The following SHISA9 variants were observed in gnomAD, a reference collection of about 807,000 sequenced individuals.
The protein encoded by SHISA9 is shisa family member 9.
A neutral mutation model predicts 38.0 loss-of-function variants in SHISA9; 13 were observed. The observed-to-expected ratio is 0.34, with a 90% CI of 0.22 to 0.54. The LOEUF (loss-of-function observed/expected upper bound fraction) is 0.54. Among genes scored for constraint, SHISA9 ranks in the 20% least tolerant of loss-of-function variants. The pLI is 0.91. For synonymous variants in SHISA9, 275 were observed against 242.0 expected (o/e 1.14, Z -1.27); for missense variants, 538 against 575.8 (o/e 0.93, Z 0.67).
At chr16:13,215,106 G>A (rs930849121) in intron 4 of SHISA9, among the ~76,000 whole-genome samples, 5 of 152,184 alleles carry the variant, frequency 3.3e-5, no homozygotes, top group African/African-American at 4.8e-5. Flanking sequence ...AAGAAAATGG[G>A]AGTGGAAGGA....
chr16:13,453,012 G>A, the SHISA9 span, among the ~76,000 whole-genome samples: 10 of 151,874 alleles, frequency 6.6e-5, no homozygotes, highest in East Asian at 5.8e-4. Context: ...TGTTTCAAGC[G>A]ATTCTCCTAC....
At chr16:13,280,283 C>T in the SHISA9 span, among the ~76,000 whole-genome samples, 1 of 151,624 alleles carries the variant, frequency 6.6e-6, no homozygotes, top group Admixed American at 6.6e-5. Flanking sequence ...GCTCTAACCT[C>T]TGAGCTTGAG....
At chr16:13,386,065 G>A in the SHISA9 span, among the ~76,000 whole-genome samples, 13 of 152,102 alleles carry the variant, frequency 8.5e-5, no homozygotes, top group Admixed American at 5.9e-4. Flanking sequence ...GTACTGTGAC[G>A]GTGCCCATGG....
the SHISA9 span, among the ~76,000 whole-genome samples, chr16:13,303,569 G>C: frequency 9.9e-5 from 15 of 152,116 alleles, no homozygotes; most frequent in Admixed American, 8.5e-4. Flanking sequence ...ACCAAAGAAT[G>C]GTTTTTGCCA....
the SHISA9 span, among the ~76,000 whole-genome samples, chr16:13,550,020 C>G: frequency 2.2e-5 from 2 of 90,876 alleles, no homozygotes; most frequent in African/African-American, 4.8e-5. Context: ...GAGACTGTGT[C>G]TCAAAAAAAA....
chr16:13,472,438 C>A, the SHISA9 span, among the ~76,000 whole-genome samples: 1 of 117,316 alleles, frequency 8.5e-6, no homozygotes, highest in South Asian at 3.0e-4. Context: ...GTCGCCCAGG[C>A]TGGAGTGCCG....
the SHISA9 span, among the ~76,000 whole-genome samples, chr16:13,529,699 C>T: frequency 7.9e-5 from 12 of 152,186 alleles, no homozygotes; most frequent in Non-Finnish European, 1.3e-4. Flanking sequence ...CAGTTTCCTT[C>T]TTTGTTAAAC....
At chr16:13,437,470 G>A in the SHISA9 span, among the ~76,000 whole-genome samples, 2 of 152,294 alleles carry the variant, frequency 1.3e-5, no homozygotes, top group South Asian at 4.1e-4. Flanking sequence ...ATGAAAAACT[G>A]GAAGTGGAGA....
intron 2 of SHISA9, among the ~76,000 whole-genome samples, chr16:13,158,419 A>T (rs1418533134): frequency 2.6e-5 from 4 of 152,218 alleles, no homozygotes; most frequent in African/African-American, 9.7e-5. Context: ...CTGAGAAGAA[A>T]CAAAGAGAGA....
chr16:13,280,647 G>A, the SHISA9 span, among the ~76,000 whole-genome samples: 2 of 151,826 alleles, frequency 1.3e-5, no homozygotes, highest in African/African-American at 4.8e-5. Flanking sequence ...ATGTTGTAAC[G>A]AGAGTATATA....
At chr16:13,109,640 C>A (rs1567215107) in intron 2 of SHISA9, among the ~76,000 whole-genome samples, 1 of 152,174 alleles carries the variant, frequency 6.6e-6, no homozygotes, top group Non-Finnish European at 1.5e-5. Flanking sequence ...AGTGTGAGGA[C>A]ATTTTTTGTC....
At chr16:13,200,783 C>T (rs115478400) in intron 2 of SHISA9, among the ~76,000 whole-genome samples, 2 of 135,506 alleles carry the variant, frequency 1.5e-5, no homozygotes, top group Non-Finnish European at 3.2e-5. Flanking sequence ...TTATGTTTGG[C>T]GACATTCCCA....
intron 2 of SHISA9, among the ~76,000 whole-genome samples, chr16:12,958,207 A>G (rs538798317): frequency 4.6e-5 from 7 of 152,320 alleles, no homozygotes; most frequent in African/African-American, 1.7e-4. Context: ...TCATCTGACA[A>G]TATCTTAAAG....
At chr16:13,540,976 G>T in the SHISA9 span, among the ~76,000 whole-genome samples, 1 of 152,144 alleles carries the variant, frequency 6.6e-6, no homozygotes, top group Non-Finnish European at 1.5e-5. Context: ...GTATTCATTG[G>T]CATCAGTCAC....
At chr16:12,917,528 C>T (rs1375704574) in intron 2 of SHISA9, among the ~76,000 whole-genome samples, 2 of 152,096 alleles carry the variant, frequency 1.3e-5, no homozygotes, top group Admixed American at 6.5e-5. Context: ...TTGGTATACT[C>T]CCAAAGATTT....
chr16:13,228,610 G>C (rs1759843915), intron 4 of SHISA9, among the ~76,000 whole-genome samples: 1 of 152,150 alleles, frequency 6.6e-6, no homozygotes, highest in Admixed American at 6.6e-5. Context: ...AGATTTTTCA[G>C]TGAAAGATTA....
intron 4 of SHISA9, among the ~76,000 whole-genome samples, chr16:13,216,217 A>C (rs409293): frequency 0.47 from 68,777 of 147,072 alleles, 16,887 homozygotes; most frequent in East Asian, 0.75. Context: ...GAGAGAGACA[A>C]TTTGGATATG....
the SHISA9 span, among the ~76,000 whole-genome samples, chr16:13,287,510 A>C: frequency 1.3e-5 from 2 of 152,188 alleles, no homozygotes; most frequent in Non-Finnish European, 2.9e-5. Context: ...TAGATGTTGA[A>C]CCATTCAGAT....
At chr16:13,372,313 G>C in the SHISA9 span, among the ~76,000 whole-genome samples, 1 of 152,186 alleles carries the variant, frequency 6.6e-6, no homozygotes, top group Non-Finnish European at 1.5e-5. Flanking sequence ...TGGGTGCTGG[G>C]CTAGATCATG....
Sources: allele counts gnomAD v4.1 joint callset (sites outside exome capture counted in the v4.1 genomes callset), GRCh38; gene constraint gnomAD v4.1.1; transcripts MANE v1.5; gene names NCBI Gene and HGNC (gene_info 2026-07-23, HGNC 2026-07-21).